The following NBDY variants were observed in gnomAD, a reference collection of about 807,000 sequenced individuals.
NBDY encodes the protein negative regulator of P-body association, also known as P-body dissociating protein.
At chrX:56,758,607 C>T (rs903771323) in intron 2 of NBDY, among the ~76,000 whole-genome samples, 12 of 111,835 alleles carry the variant, frequency 1.1e-4, no homozygotes, top group African/African-American at 3.3e-4. Context: ...CTCCCTGGAA[C>T]GTGATGGCTC....
chrX:56,812,672 C>A (rs1187003763), intron 2 of NBDY, among the ~76,000 whole-genome samples: 1 of 111,326 alleles, frequency 9.0e-6, no homozygotes, highest in Non-Finnish European at 1.9e-5. Context: ...TTCACCCGGA[C>A]GTCACTCATA....
At chrX:56,767,508 T>G (rs1036533137) in intron 2 of NBDY, among the ~76,000 whole-genome samples, 3 of 112,373 alleles carry the variant, frequency 2.7e-5, no homozygotes, top group African/African-American at 9.7e-5. Context: ...CCGCGGGCGG[T>G]AACACGAGCT....
intron 2 of NBDY, among the ~76,000 whole-genome samples, chrX:56,764,719 A>G (rs1310852527): frequency 4.6e-5 from 5 of 108,811 alleles, no homozygotes; most frequent in South Asian, 7.9e-4. Flanking sequence ...AAAAAAAAAA[A>G]AAAGAAACTG....
chrX:56,760,916 G>A (rs759485357), intron 2 of NBDY, among the ~76,000 whole-genome samples: 11 of 111,404 alleles, frequency 9.9e-5, no homozygotes, highest in Non-Finnish European at 1.9e-4. Flanking sequence ...TTGCACTGGG[G>A]AAGGTGTGAG....
rs141047689 is a variant in NBDY, at chrX:56,735,535, C to T, written c.*166+3336C>T. Among the ~76,000 whole-genome samples, 76 of 111,845 alleles carry T rather than the reference C, an allele frequency of 6.8e-4. 1 individual carries two copies. The highest frequency in any genetic ancestry group is 9.2e-4 in the Non-Finnish European group (49 of 53,128). On this transcript the variant is annotated intron_variant, in intron 2 of 2. Transcript: ENST00000374922. ...TTAGGCTTGCTTTAAACATTAACAG[C>T]ATTCATAAGCATGGTTTCTAGGGTC...
chrX:56,799,760 CA>C (rs200627636), intron 2 of NBDY, among the ~76,000 whole-genome samples: 8 of 112,065 alleles, frequency 7.1e-5, no homozygotes, highest in Non-Finnish European at 1.3e-4. Flanking sequence ...CAAACACACA[CA>C]AAAAAAACAA....
intron 2 of NBDY, among the ~76,000 whole-genome samples, chrX:56,783,254 G>A (rs2069706357): frequency 8.9e-6 from 1 of 112,896 alleles, no homozygotes; most frequent in Non-Finnish European, 1.9e-5. Flanking sequence ...GGGGCGGCCA[G>A]CCATGGCTTC....
chrX:56,761,148 C>A (rs1017223750), intron 2 of NBDY, among the ~76,000 whole-genome samples: 6 of 112,254 alleles, frequency 5.3e-5, no homozygotes, highest in Non-Finnish European at 9.4e-5. Flanking sequence ...CCCATCACAT[C>A]TCAACTTTTT....
At chrX:56,764,511 T>G (rs1043266378) in intron 2 of NBDY, among the ~76,000 whole-genome samples, 4 of 109,922 alleles carry the variant, frequency 3.6e-5, no homozygotes, top group Non-Finnish European at 7.6e-5. Context: ...AAACCCAGGC[T>G]TAGACATAGT....
intron 2 of NBDY, among the ~76,000 whole-genome samples, chrX:56,783,664 C>G (rs1429424731): frequency 2.7e-5 from 3 of 112,350 alleles, no homozygotes; most frequent in African/African-American, 9.7e-5. Context: ...CACATTTTCG[C>G]GGATCTCTGT....
At chrX:56,736,246 A>G (rs764140910) in intron 2 of NBDY, among the ~76,000 whole-genome samples, 81 of 112,081 alleles carry the variant, frequency 7.2e-4, no homozygotes, top group African/African-American at 2.3e-3. Flanking sequence ...AGGGGTGGAA[A>G]TGATGACAAC....
intron 2 of NBDY, among the ~76,000 whole-genome samples, chrX:56,792,596 GACAC>G (rs1163168258): frequency 1.8e-5 from 2 of 110,026 alleles, no homozygotes; most frequent in South Asian, 4.0e-4. Context: ...CGCCCAAGCA[GACAC>G]ACACACACAC....
Position 56,756,170 on chromosome X carries a change from T to C in NBDY, c.*166+23971T>C, listed in dbSNP as rs372841761. On this transcript the variant is annotated intron_variant, in intron 2 of 2. Coordinates refer to ENST00000374922, the MANE Select transcript of NBDY (RefSeq NM_001348129.2). ...GTGGGGGGAGGGGGGAGGGATAGCA[T>C]TACGAAATATACCTAATGCTAAATG... 2.6e-4 allele frequency among the ~76,000 whole-genome samples: 26 copies of C among 101,443 alleles called. 1 individual carries two copies. The East Asian group carries it at 8.2e-3, about 32-fold the overall frequency. 88.1% of individuals were successfully genotyped at this position (101,443 alleles called of 115,157 possible).
chrX:56,755,772 C>T (rs2069607417), intron 2 of NBDY, among the ~76,000 whole-genome samples: 2 of 108,476 alleles, frequency 1.8e-5, no homozygotes, highest in East Asian at 2.9e-4. Context: ...ACCATTTGAC[C>T]CAGCCATCCC....
intron 2 of NBDY, among the ~76,000 whole-genome samples, chrX:56,765,597 G>A (rs912093352): frequency 9.0e-6 from 1 of 110,948 alleles, no homozygotes; most frequent in Non-Finnish European, 1.9e-5. Context: ...TAGATCCTTC[G>A]GGACAGCTAC....
At chrX:56,749,582 T>C (rs2069573388) in intron 2 of NBDY, among the ~76,000 whole-genome samples, 1 of 111,329 alleles carries the variant, frequency 9.0e-6, no homozygotes, top group African/African-American at 3.3e-5. Context: ...CTGCCACCTT[T>C]ACAGGCATTC....
At chrX:56,753,851 A>T (rs1442064838) in intron 2 of NBDY, among the ~76,000 whole-genome samples, 1 of 111,370 alleles carries the variant, frequency 9.0e-6, no homozygotes, top group Non-Finnish European at 1.9e-5. Flanking sequence ...CTTTGGTAAG[A>T]GAAGATTTAT....
intron 2 of NBDY, among the ~76,000 whole-genome samples, chrX:56,816,331 A>G (rs2069910623): frequency 1.8e-5 from 2 of 111,716 alleles, no homozygotes; most frequent in Non-Finnish European, 3.8e-5. Flanking sequence ...ATTTGGTTAA[A>G]TATCTACTGT....
intron 2 of NBDY, among the ~76,000 whole-genome samples, chrX:56,782,274 T>C (rs1462340988): frequency 9.0e-6 from 1 of 111,458 alleles, no homozygotes; most frequent in Admixed American, 9.5e-5. Flanking sequence ...TTCTCTTTTT[T>C]GTTTTCTTAC....
Sources: gnomAD v4.1 joint callset for allele counts (sites outside exome capture counted in the v4.1 genomes callset) on GRCh38, gnomAD v4.1.1 for gene constraint, MANE v1.5 for transcripts, NCBI Gene and HGNC (gene_info 2026-07-23, HGNC 2026-07-21) for gene names.